KIF26A: variants seen among roughly 807,000 people sequenced by gnomAD.
KIF26A encodes the protein kinesin-like protein KIF26A.
In KIF26A, 74 loss-of-function variants were observed where a neutral mutation model predicts 126.0. That is an observed-to-expected ratio of 0.59 (90% CI 0.49 to 0.71). KIF26A has a LOEUF of 0.71. Ranked by LOEUF, KIF26A falls within the 30% of genes least tolerant of loss-of-function variation. The probability of loss-of-function intolerance (pLI) is 0.00; values close to 1 mark genes in which losing one functional copy is unlikely to be tolerated. For synonymous variants in KIF26A, 1,445 were observed against 1,232.7 expected, an observed-to-expected ratio of 1.17 and a Z score of -3.61; for missense variants, 2,984 against 2,763.3, an observed-to-expected ratio of 1.08 and a Z score of -1.79.
intron 10 of KIF26A, 138 bp from the exon 11 acceptor site, chr14:104,174,010 G>A (rs1051093318): frequency 3.6e-6 from 5 of 1,390,084 alleles, no homozygotes; most frequent in Admixed American, 2.7e-5. Flanking sequence ...CTCGCTGCCC[G>A]TGGGCTGCCT....
At chr14:104,165,898 C>T (rs957237840) in intron 4 of KIF26A, among the ~76,000 whole-genome samples, 2 of 147,914 alleles carry the variant, frequency 1.4e-5, no homozygotes, top group Admixed American at 1.3e-4. Context: ...TGGGAGTCCA[C>T]CCCAGTGGCT....
intron 4 of KIF26A, among the ~76,000 whole-genome samples, chr14:104,162,308 C>A (rs912341539): frequency 6.6e-6 from 1 of 152,172 alleles, no homozygotes; most frequent in African/African-American, 2.4e-5. Context: ...TCCAGACTTC[C>A]AGGGCTGATG....
At chr14:104,156,406 TC>T (rs1273243569) in intron 3 of KIF26A, among the ~76,000 whole-genome samples, 1 of 152,082 alleles carries the variant, frequency 6.6e-6, no homozygotes, top group Non-Finnish European at 1.5e-5. Context: ...AGTGAGCTGT[TC>T]CAGGTCCCAG....
intron 11 of KIF26A, 66 bp downstream of exon 11, chr14:104,174,376 C>A: frequency 7.1e-7 from 1 of 1,411,556 alleles, no homozygotes; most frequent in Non-Finnish European, 9.3e-7. Flanking sequence ...CTGCAGGCCT[C>A]TGCTGGCCTG....
chr14:104,176,845 C>T lies in KIF26A; in HGVS notation c.4057C>T (p.Leu1353Phe), dbSNP rs758696856. 7.1e-6 allele frequency: 11 copies of T among 1,545,148 alleles called. No homozygotes were observed. The highest frequency in any genetic ancestry group is 4.8e-5 in the South Asian group (4 of 83,262). Reference sequence around the variant, plus strand: ...GGGTCTGGCTCCCAAGGCGGGCTTCCTCCCGAGGCCCAGTGGGGCGGCCCC... The same window carrying T: ...GGGTCTGGCTCCCAAGGCGGGCTTCTTCCCGAGGCCCAGTGGGGCGGCCCC... ...KKGLAPKAGF[L>F]PRPSGAAPPA... Residue 1353 changes from leucine (L) to phenylalanine (F), a missense_variant, in exon 12 of 15, where the codon CTC (leucine) becomes TTC (phenylalanine). By Grantham distance (22) the Leu-to-Phe change is conservative. Coordinates refer to ENST00000423312, the MANE Select transcript of KIF26A (RefSeq NM_015656.2).
At chr14:104,174,066 T>G (rs1424484087) in intron 10 of KIF26A, 82 bp from the exon 11 acceptor site, 7 of 1,439,122 alleles carry the variant, frequency 4.9e-6, no homozygotes, top group Middle Eastern at 3.7e-4. Flanking sequence ...GGAACCAGAC[T>G]GATCCCAGGG....
At position 104,146,162 on chromosome 14, in the gene KIF26A, C is replaced by T. The variant is rs373748011; in HGVS notation, c.289-5853C>T. Among the ~76,000 whole-genome samples, 578 of 152,322 alleles carry T rather than the reference C, an allele frequency of 3.8e-3. 1 individual carries two copies. The highest frequency in any genetic ancestry group is 0.014 in the Middle Eastern group (4 of 294). ...TCAGTCTATAAAGGGGTCACAGACT[C>T]CTGGTAGCCAGTGAACAGGGTGGTT... is the stretch of plus-strand genomic sequence containing the variant. On this transcript the variant is annotated intron_variant, in intron 2 of 14. Coordinates refer to ENST00000423312, the MANE Select transcript of KIF26A (RefSeq NM_015656.2).
intron 4 of KIF26A, among the ~76,000 whole-genome samples, chr14:104,165,555 GTCTGTGTGTT>G (rs1566860909): frequency 6.8e-6 from 1 of 146,544 alleles, no homozygotes; most frequent in Non-Finnish European, 1.5e-5. Context: ...GTGTGTGTGT[GTCTGTGTGTT>G]TCTGTATGCA....
rs760705252 is a variant in KIF26A, at chr14:104,174,330, C to T, written c.2193+20C>T. On this transcript the variant is annotated intron_variant, in intron 11 of 14. Transcript: ENST00000423312. ...GCCAAGGTGCTCCCCACCTCCTGCC[C>T]GCCCCATCTCGGGGCCGTCTCGGCT... The T allele has an allele frequency of 7.3e-6, 11 of 1,503,898 alleles. No homozygotes were observed. The highest frequency in any genetic ancestry group is 2.4e-4 in the Middle Eastern group (1 of 4,240). 93.2% of individuals were successfully genotyped at this position (1,503,898 alleles called of 1,614,324 possible).
In KIF26A at chr14:104,177,015, C is replaced by G; in HGVS notation, c.4227C>G (p.Asp1409Glu). The G allele has an allele frequency of 6.4e-7, 1 of 1,559,804 alleles. No individual in the cohort carries two copies. Residue 1409 changes from aspartate to glutamate, a missense_variant, in exon 12 of 15, where the codon GAC (aspartate) becomes GAG (glutamate). Coordinates refer to ENST00000423312, the MANE Select transcript of KIF26A (RefSeq NM_015656.2). Reference protein sequence around the residue: ...EEEPRPSSRADHSVPRATSSL... With the variant: ...EEEPRPSSRAEHSVPRATSSL... ...AGCCCAGACCCAGCAGCCGGGCTGA[C>G]CACTCTGTCCCCAGGGCCACGTCCA...
In KIF26A at chr14:104,174,294, G is replaced by A. The variant is rs759312725; in HGVS notation, c.2177G>A (p.Arg726His). The A allele has an allele frequency of 2.5e-5, 38 of 1,550,218 alleles. No homozygotes were observed. Among genetic ancestry groups the A allele is most frequent in the Middle Eastern group, 2.2e-4 (1 of 4,540 alleles). The stretch of plus-strand genomic sequence containing the variant: ...CTCGCCGCCCGCATCCACCGCCTGC[G>A]CAGGAAGAAGGCCAAGGTGCTCCCC... ...VQLAARIHRL[R>H]RKKAKYASSS... The change falls in exon 11 of 15, where the codon CGC becomes CAC. Residue 726 changes from arginine to histidine, a missense_variant. Coordinates refer to ENST00000423312, the MANE Select transcript of KIF26A (RefSeq NM_015656.2).
In KIF26A at chr14:104,176,123, C is replaced by T. The variant is rs200398576; in HGVS notation, c.3335C>T (p.Ser1112Phe). The change falls in exon 12 of 15, where the codon TCC (serine) becomes TTC (phenylalanine). Residue 1112 changes from serine (S) to phenylalanine (F), a missense_variant. Ser to Phe is a radical substitution (Grantham distance 155). Transcript: ENST00000423312. ...AGSSHGSSIS[S>F]WLSEVSVCTA... is the part of the protein sequence containing the mutation. ...AGCAGTCACGGCTCCTCCATCAGCT[C>T]CTGGCTCAGCGAGGTCAGCGTCTGC... 42 of 1,581,564 alleles carry T rather than the reference C, an allele frequency of 2.7e-5. 1 individual carries two copies. In the Admixed American group the frequency reaches 7.2e-4, roughly 27 times the overall value.
At chr14:104,173,931 G>A in intron 10 of KIF26A, 63 bp downstream of exon 10, 2 of 1,511,886 alleles carry the variant, frequency 1.3e-6, no homozygotes, top group Non-Finnish European at 1.8e-6. Context: ...GTAAATCCGT[G>A]TCTGGTGTGC....
intron 4 of KIF26A, among the ~76,000 whole-genome samples, chr14:104,160,106 C>T (rs1413252732): frequency 3.9e-5 from 6 of 152,268 alleles, no homozygotes; most frequent in South Asian, 2.1e-4. Flanking sequence ...CTGGAGGGAC[C>T]GAGGGGCACC....
At chr14:104,156,975 T>C (rs2037784324) in intron 3 of KIF26A, among the ~76,000 whole-genome samples, 1 of 152,030 alleles carries the variant, frequency 6.6e-6, no homozygotes, top group African/African-American at 2.4e-5. Context: ...CTTGGGGCAC[T>C]GGGCCCTTGG....
Position 104,176,635 on chromosome 14 carries a change from G to T in KIF26A, c.3847G>T (p.Val1283Leu), listed in dbSNP as rs772972847. 36 of 1,606,894 alleles carry T rather than the reference G, an allele frequency of 2.2e-5. No individual in the cohort carries two copies. The highest frequency in any genetic ancestry group is 2.6e-5 in the Non-Finnish European group (31 of 1,177,596). The change falls in exon 12 of 15, where the codon GTG (valine) becomes TTG (leucine). Residue 1283 changes from valine to leucine, a missense_variant. By Grantham distance (32) the Val-to-Leu change is conservative. Transcript: ENST00000423312. Reference protein sequence around the residue: ...AQVMLACAQRVVDGCEVAARA... With the variant: ...AQVMLACAQRLVDGCEVAARA... Reference sequence around the variant, plus strand: ...GGTGATGCTAGCCTGTGCCCAGAGAGTGGTGGACGGGTGTGAGGTGGCAGC... The same window carrying T: ...GGTGATGCTAGCCTGTGCCCAGAGATTGGTGGACGGGTGTGAGGTGGCAGC...
rs953083917 is a variant in KIF26A, at chr14:104,179,621, C to G, written c.5480C>G (p.Pro1827Arg). 6.5e-7 allele frequency: 1 copy of G among 1,533,124 alleles called. No homozygotes were observed. Among genetic ancestry groups the G allele is most frequent in the Non-Finnish European group, 8.8e-7 (1 of 1,138,402 alleles). 95.0% of individuals were successfully genotyped at this position (1,533,124 alleles called of 1,614,324 possible). The change falls in exon 15 of 15, where the codon CCG (proline) becomes CGG (arginine). Residue 1827 changes from proline (P) to arginine (R), a missense_variant. Physicochemically the swap from Pro to Arg is moderately radical, Grantham distance 103. Coordinates refer to ENST00000423312, the MANE Select transcript of KIF26A (RefSeq NM_015656.2). ...CTCCCCTCCCCAGTTGAGGTGGACC[C>G]GGAGCTGGAGCCCGAGTCGGCCGAG... is the stretch of plus-strand genomic sequence containing the variant. ...GRWLEQFEVDPELEPESAEYL... is the reference protein window; with the variant it reads ...GRWLEQFEVDRELEPESAEYL...
At chr14:104,164,714 A>T (rs575953321) in intron 4 of KIF26A, among the ~76,000 whole-genome samples, 98 of 144,104 alleles carry the variant, frequency 6.8e-4, no homozygotes, top group Middle Eastern at 3.6e-3. Flanking sequence ...TATGTGTGTG[A>T]GTGTGTGTGC....
chr14:104,158,882 GCCATAATGCCTGGTAATGGCA>G (rs1249683380), intron 4 of KIF26A, among the ~76,000 whole-genome samples: 2 of 152,226 alleles, frequency 1.3e-5, no homozygotes, highest in Non-Finnish European at 2.9e-5. Context: ...GGATGTAATT[GCCATAATGCCTGGTAATGGCA>G]GGCCCAGCCG....
Sources: gnomAD v4.1 joint callset for allele counts (sites outside exome capture counted in the v4.1 genomes callset) on GRCh38, gnomAD v4.1.1 for gene constraint, MANE v1.5 for transcripts, NCBI Gene and HGNC (gene_info 2026-07-23, HGNC 2026-07-21) for gene names.